SYNE1: variants seen among roughly 807,000 people sequenced by gnomAD.
SYNE1 encodes spectrin repeat containing nuclear envelope protein 1.
In SYNE1, 616 loss-of-function variants were observed where a neutral mutation model predicts 1,111.0. The ratio of observed to expected loss-of-function variants is 0.55; its 90% confidence interval spans 0.52 to 0.59. SYNE1 has a LOEUF of 0.59. Among genes scored for constraint, SYNE1 ranks in the 20% least tolerant of loss-of-function variants. The pLI is 0.00. For missense variants in SYNE1, 10,006 were observed against 10,417.0 expected (o/e 0.96, Z 1.72); for synonymous variants, 3,855 against 3,825.8 (o/e 1.01, Z -0.28).
rs60424784 is a variant in SYNE1, at chr6:152,348,746, G to GTT, written c.11901+1420_11901+1421dup. On this transcript the variant is annotated intron_variant, in intron 72 of 145. Coordinates refer to ENST00000367255, the MANE Select transcript of SYNE1 (RefSeq NM_182961.4). The stretch of plus-strand genomic sequence containing the variant: ...TAAATAAATAAAATCAAGTTCTAGT[G>GTT]TTTTTTTTTTTTCCTGTTATATGAT... 6.5e-3 allele frequency among the ~76,000 whole-genome samples: 649 copies of GTT among 99,442 alleles called. 4 individuals carry two copies. Among genetic ancestry groups the GTT allele is most frequent in the African/African-American group, 0.021 (622 of 29,478 alleles). The allele number at this position is 99,442 out of a possible 152,430, so 65.2% of individuals were successfully genotyped here.
intron 3 of SYNE1, among the ~76,000 whole-genome samples, chr6:152,581,917 C>T (rs966779636): frequency 2.8e-4 from 42 of 152,266 alleles, no homozygotes; most frequent in Middle Eastern, 3.4e-3. Context: ...TTTTTCAGAG[C>T]TTGACTCTGA....
chr6:152,268,790 C>A (rs2092960457), intron 99 of SYNE1, among the ~76,000 whole-genome samples: 4 of 151,886 alleles, frequency 2.6e-5, no homozygotes, highest in African/African-American at 9.7e-5. Context: ...AAATAACAAA[C>A]ATGCAACTTA....
chr6:152,384,748 C>T (rs549991376), intron 55 of SYNE1, among the ~76,000 whole-genome samples: 2 of 151,898 alleles, frequency 1.3e-5, no homozygotes, highest in Non-Finnish European at 2.9e-5. Context: ...ACGTGGTGGT[C>T]AGCACCTGTA....
intron 3 of SYNE1, among the ~76,000 whole-genome samples, chr6:152,554,305 G>A (rs1217810809): frequency 2.6e-5 from 4 of 151,854 alleles, no homozygotes; most frequent in African/African-American, 7.3e-5. Flanking sequence ...GCATTCAAAG[G>A]GGGTCAAGAT....
At chr6:152,175,782 C>A (rs1286054058) in intron 130 of SYNE1, among the ~76,000 whole-genome samples, 1 of 151,808 alleles carries the variant, frequency 6.6e-6, no homozygotes, top group African/African-American at 2.4e-5. Context: ...CTAGTAAATA[C>A]CCTCATATAT....
At chr6:152,390,685 C>T (rs538966585) in intron 52 of SYNE1, among the ~76,000 whole-genome samples, 106 of 152,194 alleles carry the variant, frequency 7.0e-4, no homozygotes, top group African/African-American at 2.5e-3. Flanking sequence ...GGACCACTAG[C>T]CTAGAAAGTA....
chr6:152,133,895 GA>G (rs34524875), intron 142 of SYNE1: 2,573 of 165,400 alleles, frequency 0.016, 55 homozygotes, highest in African/African-American at 0.055. Context: ...GTCAAGATTT[GA>G]AAAAAAAAAG....
rs1261066487 is a variant in SYNE1, at chr6:152,339,354, T to C, written c.12238A>G (p.Arg4080Gly). ...AEAIKQVKHFRALQEQARTYL... is the reference protein window; with the variant it reads ...AEAIKQVKHFGALQEQARTYL... ...GTCCTTGCCTGCTCTTGCAAAGCTC[T>C]GAAGTGTTTGACCTGGAAAAGGCAG... is the stretch of plus-strand genomic sequence containing the variant. Residue 4080 changes from arginine (R) to glycine (G), a missense_variant, in exon 75 of 146, where the codon AGA (arginine) becomes GGA (glycine). Around this residue, in one of 7 missense-constraint regions of SYNE1, gnomAD observed 4,955 missense variants for 5,017.2 expected, o/e 0.99. Transcript: ENST00000367255. The C allele has an allele frequency of 6.2e-7, 1 of 1,613,824 alleles. No homozygotes were observed. The highest frequency in any genetic ancestry group is 8.5e-7 in the Non-Finnish European group (1 of 1,179,778).
intron 59 of SYNE1, among the ~76,000 whole-genome samples, chr6:152,372,538 A>G (rs566887177): frequency 6.6e-6 from 1 of 152,228 alleles, no homozygotes; most frequent in African/African-American, 2.4e-5. Context: ...TAATTATTTT[A>G]TGGTTATAAT....
At chr6:152,421,244 A>G (rs1563895680) in intron 39 of SYNE1, among the ~76,000 whole-genome samples, 1 of 152,216 alleles carries the variant, frequency 6.6e-6, no homozygotes, top group Admixed American at 6.5e-5. Context: ...AATTCACCCA[A>G]TTCATACAGA....
At chr6:152,134,162 A>G (rs1361406486) in intron 142 of SYNE1, 1 of 152,676 alleles carries the variant, frequency 6.5e-6, no homozygotes, top group Non-Finnish European at 1.5e-5. Flanking sequence ...AATATACTGT[A>G]CATTATATTG....
intron 14 of SYNE1, among the ~76,000 whole-genome samples, chr6:152,475,718 CCT>C (rs1347765021): frequency 6.6e-6 from 1 of 152,108 alleles, no homozygotes; most frequent in Non-Finnish European, 1.5e-5. Context: ...TATCAACATG[CCT>C]CTCTAAATGA....
In SYNE1 at chr6:152,140,022, C is replaced by T; in HGVS notation, c.25386G>A (p.Glu8462=). Residue 8462 remains glutamate, a synonymous_variant, in exon 140 of 146, where the codon GAG becomes GAA. Coordinates refer to ENST00000367255, the MANE Select transcript of SYNE1 (RefSeq NM_182961.4). Reference sequence around the variant, plus strand: ...GTTCCAGACGCTGGAGCTGTTCCAACTCCTCCTCCGTGTCCCCCAGCCAGG... The same window carrying T: ...GTTCCAGACGCTGGAGCTGTTCCAATTCCTCCTCCGTGTCCCCCAGCCAGG... ...IWAWLGDTEE[E]LEQLQRLELS... 6.2e-7 allele frequency: 1 copy of T among 1,614,174 alleles called. No homozygotes were observed. Among genetic ancestry groups the T allele is most frequent in the Non-Finnish European group, 8.5e-7 (1 of 1,180,014 alleles).
intron 8 of SYNE1, among the ~76,000 whole-genome samples, chr6:152,507,080 G>T (rs1034925905): frequency 2.0e-5 from 3 of 152,134 alleles, no homozygotes; most frequent in Non-Finnish European, 4.4e-5. Context: ...GTCTCTGGTA[G>T]TACAGATATA....
chr6:152,526,921 C>T (rs1458083528), intron 4 of SYNE1, among the ~76,000 whole-genome samples: 1 of 152,088 alleles, frequency 6.6e-6, no homozygotes, highest in Admixed American at 6.6e-5. Flanking sequence ...TATTAAAATA[C>T]TCAATATATG....
At position 152,135,201 on chromosome 6, in the gene SYNE1, A is replaced by G; in HGVS notation, c.25691T>C (p.Leu8564Pro). The G allele has an allele frequency of 6.2e-7, 1 of 1,614,158 alleles. No individual in the cohort carries two copies. The highest frequency in any genetic ancestry group is 8.5e-7 in the Non-Finnish European group (1 of 1,180,014). Residue 8564 changes from leucine to proline, a missense_variant, in exon 142 of 146, where the codon CTT becomes CCT. Physicochemically the swap from Leu to Pro is moderately conservative, Grantham distance 98 (BLOSUM62 -3). This residue lies in a region of SYNE1 where 761 missense variants were observed against 795.5 expected (regional missense o/e 0.96). Coordinates refer to ENST00000367255, the MANE Select transcript of SYNE1 (RefSeq NM_182961.4). ...GFHEMSHGLL[L>P]MLENIDRRKN... is the part of the protein sequence containing the mutation. Reference sequence around the variant, plus strand: ...CCTTCTGTCAATGTTCTCCAGCATAAGAAGCAAACCATGGCTCATTTCATG... The same window carrying G: ...CCTTCTGTCAATGTTCTCCAGCATAGGAAGCAAACCATGGCTCATTTCATG...
rs759125306 is a variant in SYNE1 at position 152,164,346 on chromosome 6, A to T, written c.23628-21T>A. The T allele has an allele frequency of 2.3e-5, 37 of 1,613,742 alleles. No homozygotes were observed. In the South Asian group the frequency reaches 4.1e-4, roughly 18 times the overall value. On this transcript the variant is annotated intron_variant, in intron 130 of 145. Transcript: ENST00000367255. ...TCACCCTGTGGGCAGAGAAGGGGGA[A>T]TGTCCCACTTCAGCGAGAGGCCCAC...
At chr6:152,584,256 G>C (rs780129102) in intron 3 of SYNE1, among the ~76,000 whole-genome samples, 3 of 152,106 alleles carry the variant, frequency 2.0e-5, no homozygotes, top group Non-Finnish European at 2.9e-5. Context: ...AATATGGAGA[G>C]AGAGAGAGAG....
At chr6:152,354,548 AG>A in intron 67 of SYNE1, 110 bp downstream of exon 67, 1 of 1,274,436 alleles carries the variant, frequency 7.8e-7, no homozygotes, top group Non-Finnish European at 1.1e-6. Flanking sequence ...GTAATCAAAA[AG>A]ATTTTGCAAA....
Sources: gnomAD v4.1 joint callset for allele counts (sites outside exome capture counted in the v4.1 genomes callset) on GRCh38, gnomAD v4.1.1 for gene constraint, gnomAD v4.1.1 regional missense constraint, MANE v1.5 for transcripts, NCBI Gene and HGNC (gene_info 2026-07-23, HGNC 2026-07-21) for gene names.